NAA25: variants seen among roughly 807,000 people sequenced by gnomAD.
NAA25 encodes N-terminal acetyltransferase B complex subunit NAA25.
Under a neutral mutation model 132.5 loss-of-function variants are expected in NAA25, and 30 were observed. The observed-to-expected ratio is 0.23, with a 90% confidence interval of 0.17 to 0.31. NAA25 has a LOEUF of 0.31. Ranked by LOEUF, NAA25 falls within the 10% of genes least tolerant of loss-of-function variation. NAA25 has a pLI of 1.00. For synonymous variants in NAA25, 359 were observed against 401.9 expected (o/e 0.89, Z 1.28); for missense variants, 771 against 1,150.4 (o/e 0.67, Z 4.77).
At chr12:112,071,126 C>T (rs367717427) in intron 10 of NAA25, among the ~76,000 whole-genome samples, 36 of 152,062 alleles carry the variant, frequency 2.4e-4, no homozygotes, top group African/African-American at 7.7e-4. Context: ...TCAGGTGATC[C>T]GCCCACCTCG....
intron 22 of NAA25, chr12:112,034,824 A>AG (rs1555231522): frequency 2.6e-5 from 4 of 151,500 alleles, no homozygotes; most frequent in African/African-American, 7.3e-5. Context: ...AAAAAAAAAA[A>AG]AAAAGAAAAG....
chr12:112,062,388 G>A (rs371254491), intron 11 of NAA25, among the ~76,000 whole-genome samples: 25 of 142,056 alleles, frequency 1.8e-4, no homozygotes, highest in Non-Finnish European at 3.8e-4. Context: ...GCAACAGAGC[G>A]AGACTCCATC....
rs746514978 is a variant in NAA25, at chr12:112,048,282, C to A, written c.1880+10G>T. On this transcript the variant is annotated intron_variant, in intron 16 of 23. Coordinates refer to ENST00000261745, the MANE Select transcript of NAA25 (RefSeq NM_024953.4). ...CCTTAGTTCCTTTATAGCTCTCATG[C>A]AATACTTACATATTTGCTTCAAGTA... is the stretch of plus-strand genomic sequence containing the variant. The A allele has an allele frequency of 1.2e-6, 2 of 1,609,120 alleles. No individual in the cohort carries two copies. The highest frequency in any genetic ancestry group is 1.1e-5 in the South Asian group (1 of 90,652).
chr12:112,075,851 G>C, intron 7 of NAA25, 62 bp from the exon 8 acceptor site: 1 of 1,280,284 alleles, frequency 7.8e-7, no homozygotes, highest in South Asian at 1.2e-5. Flanking sequence ...AACCAGAATA[G>C]AGTCCAACCA....
intron 3 of NAA25, among the ~76,000 whole-genome samples, chr12:112,088,888 G>A (rs1002383779): frequency 3.9e-5 from 6 of 152,124 alleles, no homozygotes; most frequent in Admixed American, 6.5e-5. Context: ...CCAAAGTGCT[G>A]GGATTACAGG....
In NAA25 at chr12:112,049,414, C is replaced by T; in HGVS notation, c.1729-971G>A. The T allele has an allele frequency of 1.0e-6, 1 of 972,122 alleles. No homozygotes were observed. The allele number at this position is 972,122 out of a possible 1,614,324, so 60.2% of individuals were successfully genotyped here. A position where few individuals can be genotyped will look rare whatever the true frequency, so the allele number is the denominator to read the frequency against. Reference sequence around the variant, plus strand: ...TTTACACAGCCTCAGTTAATCAGCTCTGCCCCCATCTCCATTACGTCTGAA... The same window carrying T: ...TTTACACAGCCTCAGTTAATCAGCTTTGCCCCCATCTCCATTACGTCTGAA... On this transcript the variant is annotated intron_variant, in intron 15 of 23. Coordinates refer to ENST00000261745, the MANE Select transcript of NAA25 (RefSeq NM_024953.4). This position sits in a 1 kb window ranked among gnomAD's most constrained non-coding sequence, Gnocchi z 4.7.
intron 4 of NAA25, among the ~76,000 whole-genome samples, chr12:112,086,258 G>A (rs1482062780): frequency 1.3e-5 from 2 of 151,414 alleles, no homozygotes; most frequent in Non-Finnish European, 1.5e-5. Flanking sequence ...CATTTTGGGA[G>A]CCCAAGGTGG....
intron 22 of NAA25, chr12:112,034,500 C>T (rs2078196353): frequency 1.3e-5 from 2 of 152,358 alleles, no homozygotes; most frequent in Admixed American, 1.3e-4. Flanking sequence ...GTGGCAGGCG[C>T]CTGTAATCCC....
intron 22 of NAA25, among the ~76,000 whole-genome samples, chr12:112,038,845 G>T (rs940027973): frequency 1.3e-4 from 20 of 152,250 alleles, no homozygotes; most frequent in Admixed American, 2.6e-4. Context: ...CGGGTGTGGT[G>T]GCAGGCGCCT....
chr12:112,095,619 C>CA (rs56359298), intron 1 of NAA25, among the ~76,000 whole-genome samples: 2,223 of 78,958 alleles, frequency 0.028, 34 homozygotes, highest in African/African-American at 0.064. Flanking sequence ...AACAAACAAA[C>CA]AAAAAAAAAA....
At chr12:112,054,631 A>G (rs528576253) in intron 13 of NAA25, 63 bp from the exon 14 acceptor site, 2 of 1,483,044 alleles carry the variant, frequency 1.3e-6, no homozygotes, top group South Asian at 2.6e-5. Context: ...CCCAAAAACA[A>G]AAAACAAAAC....
chr12:112,059,077 A>C (rs974880440), intron 13 of NAA25, among the ~76,000 whole-genome samples: 1 of 6,228 alleles, frequency 1.6e-4, no homozygotes, highest in Non-Finnish European at 3.1e-4. Flanking sequence ...CCATCTCACA[A>C]AAAAAAAAAA....
In NAA25 at chr12:112,078,261, T is replaced by G; in HGVS notation, c.591A>C (p.Glu197Asp). ...EDKIEAEAEV[E>D]LYYMILERLG... Reference sequence around the variant, plus strand: ...AACGTTCCAGGATCATATAATAAAGTTCAACCTTACAGAAAAAAAACAAGA... The same window carrying G: ...AACGTTCCAGGATCATATAATAAAGGTCAACCTTACAGAAAAAAAACAAGA... Residue 197 changes from glutamate to aspartate, a missense_variant, in exon 7 of 24, where the codon GAA becomes GAC. Physicochemically the swap from Glu to Asp is conservative, Grantham distance 45. Around this residue, in one of 3 missense-constraint regions of NAA25, gnomAD observed 417 missense variants for 733.8 expected, o/e 0.57. Transcript: ENST00000261745. 1 of 1,606,018 alleles carries G rather than the reference T, an allele frequency of 6.2e-7. No homozygotes were observed. The highest frequency in any genetic ancestry group is 1.3e-5 in the African/African-American group (1 of 74,626).
rs374748914 is a variant in NAA25 at position 112,093,009 on chromosome 12, T to C, written c.144+42A>G. On this transcript the variant is annotated intron_variant, in intron 2 of 23. Coordinates refer to ENST00000261745, the MANE Select transcript of NAA25 (RefSeq NM_024953.4). ...TCTTTAAGGTAAGGAATTACAAATA[T>C]AACCCGCCACAGGTAAGTAACTGAA... 9 of 1,401,422 alleles carry C rather than the reference T, an allele frequency of 6.4e-6. No homozygotes were observed. In the African/African-American group the frequency reaches 1.1e-4, roughly 18 times the overall value. The allele number at this position is 1,401,422 out of a possible 1,614,324, so 86.8% of individuals were successfully genotyped here.
At chr12:112,047,424 G>A (rs1012231949) in intron 17 of NAA25, among the ~76,000 whole-genome samples, 8 of 151,854 alleles carry the variant, frequency 5.3e-5, no homozygotes, top group Non-Finnish European at 1.2e-4. Context: ...TAGAGATAGG[G>A]TTTCACCATG....
intron 23 of NAA25, among the ~76,000 whole-genome samples, chr12:112,031,225 G>A (rs1205962633): frequency 1.3e-5 from 2 of 152,230 alleles, no homozygotes; most frequent in South Asian, 2.1e-4. Flanking sequence ...AGGACTAGAG[G>A]TCACAGTCCA....
chr12:112,071,840 AGCAC>A, intron 10 of NAA25, 51 bp downstream of exon 10: 1 of 1,133,964 alleles, frequency 8.8e-7, no homozygotes, highest in African/African-American at 2.6e-5. Flanking sequence ...TAATGAATAT[AGCAC>A]TTGGGTATTA....
chr12:112,033,167 T>C, intron 23 of NAA25, 66 bp downstream of exon 23: 2 of 1,450,366 alleles, frequency 1.4e-6, no homozygotes, highest in Non-Finnish European at 1.8e-6. Context: ...GTGATAAAGA[T>C]GAGAGAGAGA....
chr12:112,045,500 A>ACAAAAAAAAAC (rs539477106), intron 17 of NAA25, among the ~76,000 whole-genome samples: 1 of 147,460 alleles, frequency 6.8e-6, no homozygotes, highest in Non-Finnish European at 1.5e-5. Flanking sequence ...AAAAAAAAAA[A>ACAAAAAAAAAC]AAAAAAAATA....
Sources: allele counts gnomAD v4.1 joint callset (sites outside exome capture counted in the v4.1 genomes callset), GRCh38; gene constraint gnomAD v4.1.1; regional missense constraint gnomAD v4.1.1; non-coding constraint Gnocchi (gnomAD v3.1); transcripts MANE v1.5; gene names NCBI Gene and HGNC (gene_info 2026-07-23, HGNC 2026-07-21).